The following TNKS variants were observed in gnomAD, a reference collection of about 807,000 sequenced individuals.
TNKS encodes tankyrase.
Under a neutral mutation model 135.8 loss-of-function variants are expected in TNKS, and 72 were observed. The ratio of observed to expected loss-of-function variants is 0.53; its 90% CI spans 0.44 to 0.64. The LOEUF is 0.64. TNKS is among the 30% of genes least tolerant of loss of function. TNKS has a pLI of 0.00. For synonymous variants in TNKS, 849 were observed against 649.3 expected, an observed-to-expected ratio of 1.31 and a Z score of -4.68; for missense variants, 1,769 against 1,674.0, an observed-to-expected ratio of 1.06 and a Z score of -0.99.
intron 3 of TNKS, among the ~76,000 whole-genome samples, chr8:9,673,351 A>G (rs1164668688): frequency 6.6e-6 from 1 of 152,126 alleles, no homozygotes; most frequent in Non-Finnish European, 1.5e-5. Flanking sequence ...TAAGACATGA[A>G]AATAATATAT....
intron 17 of TNKS, among the ~76,000 whole-genome samples, chr8:9,746,881 C>CTTTTTTTTTTTTTTTTTTTTTTTTTTT (rs10672387): frequency 7.7e-5 from 9 of 117,188 alleles, no homozygotes; most frequent in African/African-American, 3.3e-4. Flanking sequence ...CCTACTTAAA[C>CTTTTTTTTTTTTTTTTTTTTTTTTTTT]TTTTTTTTTT....
At chr8:9,585,926 C>G (rs963857082) in intron 2 of TNKS, among the ~76,000 whole-genome samples, 3 of 152,070 alleles carry the variant, frequency 2.0e-5, no homozygotes, top group African/African-American at 7.2e-5. Flanking sequence ...GTCAAAGAGA[C>G]CTGTTCCTTG....
chr8:9,733,956 A>T (rs1438093965), intron 15 of TNKS, among the ~76,000 whole-genome samples: 2 of 152,186 alleles, frequency 1.3e-5, no homozygotes, highest in Non-Finnish European at 2.9e-5. Context: ...ACTAGTAGTT[A>T]TATGAAACTA....
intron 5 of TNKS, among the ~76,000 whole-genome samples, chr8:9,703,787 C>G (rs1563178514): frequency 6.6e-6 from 1 of 152,062 alleles, no homozygotes; most frequent in African/African-American, 2.4e-5. Flanking sequence ...ATATTAAAGC[C>G]TGTATGAAAA....
chr8:9,716,629 G>A (rs1804612484), intron 11 of TNKS, among the ~76,000 whole-genome samples: 1 of 151,962 alleles, frequency 6.6e-6, no homozygotes. Context: ...AAACTATCAG[G>A]TACTTTGGCT....
chr8:9,559,596 C>CT (rs1797244099), intron 1 of TNKS, among the ~76,000 whole-genome samples: 1 of 151,906 alleles, frequency 6.6e-6, no homozygotes, highest in South Asian at 2.1e-4. Context: ...TCAGCCTCCC[C>CT]CATCCCTACC....
chr8:9,703,349 A>G (rs1270694258), intron 5 of TNKS, among the ~76,000 whole-genome samples: 1 of 152,226 alleles, frequency 6.6e-6, no homozygotes, highest in Non-Finnish European at 1.5e-5. Flanking sequence ...ATATTTTCAG[A>G]CTAAAATTAA....
At chr8:9,733,930 A>G (rs1805566634) in intron 15 of TNKS, among the ~76,000 whole-genome samples, 1 of 152,192 alleles carries the variant, frequency 6.6e-6, no homozygotes. Flanking sequence ...TTTTAGATAC[A>G]TGTAAAAGAG....
At position 9,567,008 on chromosome 8, in the gene TNKS, C is replaced by T. The variant is rs887293047; in HGVS notation, c.673+10396C>T. 4.6e-5 allele frequency among the ~76,000 whole-genome samples: 7 copies of T among 152,306 alleles called. No individual in the cohort carries two copies. In the East Asian group the frequency reaches 1.4e-3, roughly 29 times the overall value. On this transcript the variant is annotated intron_variant, in intron 1 of 26. Coordinates refer to ENST00000310430, the MANE Select transcript of TNKS (RefSeq NM_003747.3). ...TCTGGTTGTCGTAAAATCATTTGGT[C>T]TGTGCTACTCAAATGGAAAGTTGAT...
chr8:9,672,172 T>G (rs558070607), intron 3 of TNKS, among the ~76,000 whole-genome samples: 129 of 152,348 alleles, frequency 8.5e-4, no homozygotes, highest in Non-Finnish European at 1.4e-3. Context: ...TTAGAGATTA[T>G]TCTTAATCTC....
At chr8:9,721,298 T>TTATCTATATATATATATATATA in intron 12 of TNKS, among the ~76,000 whole-genome samples, 1 of 118,160 alleles carries the variant, frequency 8.5e-6, no homozygotes, top group African/African-American at 2.9e-5. Flanking sequence ...AATAAATAAA[T>TTATCTATATATATATATATATA]TATATATATA....
In TNKS at chr8:9,781,340, G is replaced by A. The variant is rs1271155150; in HGVS notation, c.*4604G>A. Reference sequence around the variant, plus strand: ...TGCAGGCAGCCCTGAAAGCCCTTGTGTTGATTCAGAGTGTTTGCAGAGAAA... The same window carrying A: ...TGCAGGCAGCCCTGAAAGCCCTTGTATTGATTCAGAGTGTTTGCAGAGAAA... On this transcript the variant is annotated 3_prime_UTR_variant, in exon 27 of 27. Coordinates refer to ENST00000310430, the MANE Select transcript of TNKS (RefSeq NM_003747.3). The A allele has an allele frequency of 2.6e-5, 4 of 152,178 alleles. No individual in the cohort carries two copies. Among genetic ancestry groups the A allele is most frequent in the African/African-American group, 9.7e-5 (4 of 41,426 alleles). 9.4% of individuals were successfully genotyped at this position (152,178 alleles called of 1,614,324 possible).
rs575885811 is a variant in TNKS, at chr8:9,561,911, G to A, written c.673+5299G>A. 1.1e-4 allele frequency among the ~76,000 whole-genome samples: 17 copies of A among 152,170 alleles called. No individual in the cohort carries two copies. The South Asian group carries it at 2.7e-3, about 24-fold the overall frequency. The stretch of plus-strand genomic sequence containing the variant: ...GGCTCACTGCAACCTCTGCCTCCTC[G>A]GTTCAAGCGATTCTCCTGCCTCAGC... On this transcript the variant is annotated intron_variant, in intron 1 of 26. Coordinates refer to ENST00000310430, the MANE Select transcript of TNKS (RefSeq NM_003747.3).
Position 9,730,959 on chromosome 8 carries a change from G to A in TNKS, c.2071G>A (p.Ala691Thr), listed in dbSNP as rs1162334173. The A allele has an allele frequency of 1.9e-6, 3 of 1,613,992 alleles. No homozygotes were observed. The highest frequency in any genetic ancestry group is 1.7e-6 in the Non-Finnish European group (2 of 1,179,956). Residue 691 changes from alanine to threonine, a missense_variant, in exon 14 of 27, where the codon GCA (alanine) becomes ACA (threonine). By Grantham distance (58) the Ala-to-Thr change is moderately conservative. Around this residue, in one of 5 missense-constraint regions of TNKS, gnomAD observed 69 missense variants for 120.3 expected, o/e 0.57. Coordinates refer to ENST00000310430, the MANE Select transcript of TNKS (RefSeq NM_003747.3). ...CCGGCATTCCACGCCCTTACACTTC[G>A]CAGCAGGCTACAACCGCGTGTCTGT... ...EGRHSTPLHF[A>T]AGYNRVSVVE...
intron 3 of TNKS, among the ~76,000 whole-genome samples, chr8:9,629,313 G>C (rs538239917): frequency 6.6e-6 from 1 of 151,324 alleles, no homozygotes; most frequent in South Asian, 2.1e-4. Flanking sequence ...CCCAGCTGTA[G>C]ACTAATAGCT....
chr8:9,707,200 C>A (rs1317378305), intron 8 of TNKS, among the ~76,000 whole-genome samples: 5 of 152,084 alleles, frequency 3.3e-5, no homozygotes, highest in Non-Finnish European at 7.4e-5. Context: ...TTTATTCGAG[C>A]CTAGTTTTAA....
chr8:9,662,413 C>T (rs951560197), intron 3 of TNKS, among the ~76,000 whole-genome samples: 2 of 152,052 alleles, frequency 1.3e-5, no homozygotes, highest in African/African-American at 4.8e-5. Context: ...TACTATGCAG[C>T]CATAAAAAAG....
chr8:9,581,745 CT>C (rs1306927143), intron 2 of TNKS, among the ~76,000 whole-genome samples: 2 of 152,196 alleles, frequency 1.3e-5, no homozygotes, highest in Admixed American at 6.5e-5. Context: ...CTTCAGTCTT[CT>C]GTTTTCCTGC....
intron 7 of TNKS, 69 bp downstream of exon 7, chr8:9,706,322 C>T (rs1445545508): frequency 1.6e-5 from 19 of 1,217,022 alleles, no homozygotes; most frequent in Admixed American, 2.5e-5. Flanking sequence ...CATGACTTTC[C>T]ATACTTTCGG....
Sources: allele counts gnomAD v4.1 joint callset (sites outside exome capture counted in the v4.1 genomes callset), GRCh38; gene constraint gnomAD v4.1.1; regional missense constraint gnomAD v4.1.1; transcripts MANE v1.5; gene names NCBI Gene and HGNC (gene_info 2026-07-23, HGNC 2026-07-21).